Variants in TTC6 observed in about 807,000 individuals in gnomAD.
The protein encoded by TTC6 is tetratricopeptide repeat domain 6.
A neutral mutation model predicts 210.4 loss-of-function variants in TTC6; 172 were observed. That is an observed-to-expected ratio of 0.82 (90% CI 0.72 to 0.93). The LOEUF (loss-of-function observed/expected upper bound fraction) is 0.93. Ranked by LOEUF, TTC6 falls within the 40% of genes least tolerant of loss-of-function variation. The pLI, the probability that TTC6 is intolerant of heterozygous loss-of-function variation, is 0.00. For synonymous variants in TTC6, 804 were observed against 819.6 expected (o/e 0.98, Z 0.32); for missense variants, 2,414 against 2,318.1 (o/e 1.04, Z -0.85).
rs1042739945 is a variant in TTC6 at position 37,622,915 on chromosome 14, T to C, written c.851T>C (p.Leu284Pro). 39 of 1,534,364 alleles carry C rather than the reference T, an allele frequency of 2.5e-5. No homozygotes were observed. In the African/African-American group the frequency reaches 5.2e-4, roughly 20 times the overall value. ...TCCATCGAAGAGATCATCGCCTCTCTGCAGTCCGAGGCCCAGCTGGCCTCC... is the reference window on the plus strand; with the variant it reads ...TCCATCGAAGAGATCATCGCCTCTCCGCAGTCCGAGGCCCAGCTGGCCTCC... Residue 284 changes from leucine to proline, a missense_variant, in exon 1 of 31, where the codon CTG becomes CCG. Physicochemically the swap from Leu to Pro is moderately conservative, Grantham distance 98 (BLOSUM62 -3). Coordinates refer to ENST00000553443, the Ensembl canonical transcript of TTC6.
chr14:37,614,010 T>A (rs2095638742), intron 2 of TTC6, among the ~76,000 whole-genome samples: 1 of 152,068 alleles, frequency 6.6e-6, no homozygotes, highest in African/African-American at 2.4e-5. Context: ...TGCATTATTC[T>A]TCTTTTCCTA....
chr14:37,739,585 A>G (rs914109911), intron 10 of TTC6, among the ~76,000 whole-genome samples: 1 of 148,728 alleles, frequency 6.7e-6, no homozygotes, highest in Non-Finnish European at 1.5e-5. Context: ...AAAAAAAAAA[A>G]AAAAAGAAAG....
intron 7 of TTC6, among the ~76,000 whole-genome samples, chr14:37,730,918 C>G (rs150150516): frequency 6.6e-6 from 1 of 152,148 alleles, no homozygotes; most frequent in Admixed American, 6.5e-5. Context: ...CCAGTCACCT[C>G]TATGTGTGAG....
rs545341078 is a variant in TTC6 at position 37,602,188 on chromosome 14, C to T, written c.-234-4475C>T. 3.9e-5 allele frequency among the ~76,000 whole-genome samples: 6 copies of T among 152,340 alleles called. No individual in the cohort carries two copies. In the East Asian group the frequency reaches 7.7e-4, roughly 20 times the overall value. On this transcript the variant is annotated intron_variant, in intron 1 of 2. Coordinates refer to the TTC6 transcript ENST00000556845. ...TCACAGAAGTGATCTTCCTCGGTAC[C>T]GGCCTCTTAGCTGGCCGTGGCGGAG...
intron 5 of TTC6, among the ~76,000 whole-genome samples, chr14:37,713,701 G>A (rs2095848174): frequency 6.6e-6 from 1 of 152,166 alleles, no homozygotes; most frequent in African/African-American, 2.4e-5. Flanking sequence ...TTTTATTCAT[G>A]ACTCTACTCT....
intron 13 of TTC6, 47 bp from the exon 16 acceptor site, chr14:37,753,051 AT>A (rs373839993): frequency 4.9e-5 from 70 of 1,418,042 alleles, no homozygotes; most frequent in Middle Eastern, 1.9e-4. Flanking sequence ...TATATACTTC[AT>A]TTTTTTTCAT....
At chr14:37,770,362 G>A (rs1329867971) in intron 14 of TTC6, among the ~76,000 whole-genome samples, 37 of 152,150 alleles carry the variant, frequency 2.4e-4, no homozygotes, top group South Asian at 1.0e-3. Context: ...TATCCTTGTT[G>A]ACTTTCTGTC....
chr14:37,714,833 C>T (rs1440482128), intron 6 of TTC6, 37 bp downstream of exon 8: 4 of 1,515,580 alleles, frequency 2.6e-6, no homozygotes. Context: ...TTTTGTACCT[C>T]ACAGGTCCTC....
At chr14:37,641,642 A>C (rs2095691975) in intron 1 of TTC6, among the ~76,000 whole-genome samples, 2 of 152,188 alleles carry the variant, frequency 1.3e-5, no homozygotes, top group Non-Finnish European at 2.9e-5. Flanking sequence ...ACATGGTAGG[A>C]AAAGCTTTAA....
chr14:37,780,397 T>G (rs1405451422), intron 14 of TTC6, among the ~76,000 whole-genome samples: 1 of 152,114 alleles, frequency 6.6e-6, no homozygotes, highest in African/African-American at 2.4e-5. Flanking sequence ...ATGCTATCCC[T>G]CCCCTCACCC....
rs546805899 is a variant in TTC6, at chr14:37,743,783, C to T, written c.2363+4628C>T. On this transcript the variant is annotated intron_variant, in intron 10 of 30. Transcript: ENST00000553443. ...TGGAACTTCCTCCTCATTCTTGCCT[C>T]TTTAGTATCCTTTCTGCAGTTTCTC... 3.4e-4 allele frequency among the ~76,000 whole-genome samples: 52 copies of T among 152,294 alleles called. No individual in the cohort carries two copies. The South Asian group carries it at 8.3e-3, about 24-fold the overall frequency.
intron 1 of TTC6, among the ~76,000 whole-genome samples, chr14:37,654,565 ACTT>A (rs1161867771): frequency 6.6e-6 from 1 of 151,978 alleles, no homozygotes; most frequent in East Asian, 1.9e-4. Context: ...AGCCAATTAA[ACTT>A]CTTTTCTTAT....
intron 10 of TTC6, among the ~76,000 whole-genome samples, chr14:37,740,722 T>G (rs2095916436): frequency 6.6e-6 from 1 of 152,222 alleles, no homozygotes; most frequent in Admixed American, 6.5e-5. Context: ...GAAATTTTTT[T>G]GTTAGTTCAT....
chr14:37,750,127 T>A (rs1324527702), intron 12 of TTC6, among the ~76,000 whole-genome samples: 1 of 152,206 alleles, frequency 6.6e-6, no homozygotes, highest in African/African-American at 2.4e-5. Flanking sequence ...AAATAGTTAG[T>A]TATAGAAGTA....
chr14:37,653,575 C>T lies in TTC6; in HGVS notation c.940-26576C>T, dbSNP rs556411129. 5.7e-3 allele frequency among the ~76,000 whole-genome samples: 860 copies of T among 150,384 alleles called. 8 individuals are homozygous for T. Among genetic ancestry groups the T allele is most frequent in the African/African-American group, 0.021 (826 of 39,734 alleles). Reference sequence around the variant, plus strand: ...CATGTTTAACACTTGCTGTCTTCTGCTATGGTCGGGGAGAGATGTTACTGG... The same window carrying T: ...CATGTTTAACACTTGCTGTCTTCTGTTATGGTCGGGGAGAGATGTTACTGG... On this transcript the variant is annotated intron_variant, in intron 1 of 30. Transcript: ENST00000553443.
intron 26 of TTC6, among the ~76,000 whole-genome samples, chr14:37,820,611 A>G (rs1036218684): frequency 5.9e-5 from 9 of 152,156 alleles, no homozygotes; most frequent in African/African-American, 2.2e-4. Flanking sequence ...TTTGGATGTC[A>G]ATATTACTAG....
Position 37,774,839 on chromosome 14 carries a change from A to G in TTC6, c.3267-12629A>G, listed in dbSNP as rs185721275. ...ACCAGCTCTTCTTTACACATCTGGT[A>G]GAATTTGGCTCTGAATCTCTCTGGT... On this transcript the variant is annotated intron_variant, in intron 14 of 30. Transcript: ENST00000553443. Among the ~76,000 whole-genome samples the G allele has an allele frequency of 1.2e-3, 186 of 152,324 alleles. 2 individuals carry two copies. Among genetic ancestry groups the G allele is most frequent in the South Asian group, 0.012 (58 of 4,824 alleles).
intron 14 of TTC6, among the ~76,000 whole-genome samples, chr14:37,772,158 C>T (rs1012010189): frequency 4.6e-5 from 7 of 152,196 alleles, no homozygotes; most frequent in African/African-American, 1.7e-4. Flanking sequence ...GCAGTCTGCC[C>T]GTTCTCAGAT....
At chr14:37,772,085 T>C (rs1288162750) in intron 14 of TTC6, among the ~76,000 whole-genome samples, 1 of 152,158 alleles carries the variant, frequency 6.6e-6, no homozygotes, top group Admixed American at 6.5e-5. Flanking sequence ...AGTGTGCCCC[T>C]GCTGGGGGGT....
Sources: allele counts gnomAD v4.1 joint callset (sites outside exome capture counted in the v4.1 genomes callset), GRCh38; gene constraint gnomAD v4.1.1; transcripts MANE v1.5; gene names NCBI Gene and HGNC (gene_info 2026-07-23, HGNC 2026-07-21).